Variants in EXOSC9 observed in about 807,000 individuals in gnomAD.
EXOSC9 encodes exosome component 9, also known as exosome complex component RRP45.
A neutral mutation model predicts 56.5 loss-of-function variants in EXOSC9; 38 were observed. The ratio of observed to expected loss-of-function variants is 0.67; its 90% CI spans 0.52 to 0.88. The LOEUF (loss-of-function observed/expected upper bound fraction) is 0.88, where lower values mean the gene tolerates loss of function less well. EXOSC9 is among the 40% of genes least tolerant of loss of function. The pLI is 0.00. For synonymous variants in EXOSC9, 170 were observed against 170.8 expected, an observed-to-expected ratio of 0.99 and a Z score of 0.04; for missense variants, 559 against 530.5, an observed-to-expected ratio of 1.05 and a Z score of -0.53.
chr4:121,807,535 A>G lies in EXOSC9; in HGVS notation c.523-5A>G, dbSNP rs1386715456. Reference sequence around the variant, plus strand: ...ATAATTATTAAACATTTTCTTTTGAAACAGTATACACCTGAAGAGCGTGAT... The same window carrying G: ...ATAATTATTAAACATTTTCTTTTGAGACAGTATACACCTGAAGAGCGTGAT... On this transcript the variant is annotated splice_region_variant and splice_polypyrimidine_tract_variant and intron_variant, in intron 5 of 11. Coordinates refer to ENST00000243498, the MANE Select transcript of EXOSC9 (RefSeq NM_005033.3). The G allele has an allele frequency of 3.2e-6, 5 of 1,572,086 alleles. No homozygotes were observed. Among genetic ancestry groups the G allele is most frequent in the Non-Finnish European group, 4.4e-6 (5 of 1,147,890 alleles).
In EXOSC9 at chr4:121,816,878, A is replaced by AT. The variant is rs1488785635; in HGVS notation, c.*23dup. ...TTAAAGCTAACAGTTGTATATCTGT[A>AT]TATATAACTATTAAAAGGGATATTT... On this transcript the variant is annotated 3_prime_UTR_variant, in exon 12 of 12. Transcript: ENST00000243498. The AT allele has an allele frequency of 3.3e-6, 5 of 1,517,654 alleles. No individual in the cohort carries two copies. Among genetic ancestry groups the AT allele is most frequent in the Non-Finnish European group, 4.4e-6 (5 of 1,127,694 alleles). The allele number at this position is 1,517,654 out of a possible 1,614,324, so 94.0% of individuals were successfully genotyped here. A position where few individuals can be genotyped will look rare whatever the true frequency, so the allele number is the denominator to read the frequency against.
intron 4 of EXOSC9, among the ~76,000 whole-genome samples, chr4:121,803,486 A>G (rs1386744240): frequency 6.6e-6 from 1 of 152,138 alleles, no homozygotes; most frequent in Non-Finnish European, 1.5e-5. Context: ...AACTTTGAAA[A>G]TCTTAGTCCC....
chr4:121,801,665 C>G, intron 1 of EXOSC9, 162 bp from the exon 2 acceptor site: 1 of 777,528 alleles, frequency 1.3e-6, no homozygotes, highest in Middle Eastern at 2.3e-4. Flanking sequence ...AGGCTCCAGT[C>G]ACCGCAGCAG....
In EXOSC9 at chr4:121,813,903, C is replaced by T; in HGVS notation, c.1012C>T (p.Gln338Ter). The part of the protein sequence containing the change: ...TPVLWTPGTA[Q>*]IGEGVENSWG... ...TGTGCTATGGACTCCTGGAACTGCCCAAATTGGAGAGGGAGTAGAAAACTC... is the reference window on the plus strand; with the variant it reads ...TGTGCTATGGACTCCTGGAACTGCCTAAATTGGAGAGGGAGTAGAAAACTC... Residue 338 changes from glutamine (Q) to a stop codon, truncating the protein, a stop_gained, in exon 10 of 12, where the codon CAA (glutamine) becomes TAA (stop). Transcript: ENST00000243498. LOFTEE classifies it high-confidence loss of function. The T allele has an allele frequency of 6.2e-7, 1 of 1,613,182 alleles. No individual in the cohort carries two copies. Among genetic ancestry groups the T allele is most frequent in the Non-Finnish European group, 8.5e-7 (1 of 1,179,402 alleles).
intron 9 of EXOSC9, 134 bp from the exon 10 acceptor site, chr4:121,813,732 A>G: frequency 1.6e-6 from 1 of 619,316 alleles, no homozygotes; most frequent in Non-Finnish European, 2.7e-6. Flanking sequence ...TAGTGTAGCT[A>G]TATTAAGTTT....
chr4:121,801,834 A>G lies in EXOSC9; in HGVS notation c.74A>G (p.Asp25Gly), dbSNP rs775600575. 10 of 1,612,794 alleles carry G rather than the reference A, an allele frequency of 6.2e-6. No homozygotes were observed. The South Asian group carries it at 8.8e-5, about 14-fold the overall frequency. ...ATGAATTTGTGCTTACAGCGGCTGG[A>G]TGGCAGACAAACCTATGATTATAGG... The part of the protein sequence containing the change: ...LRAIEEKKRL[D>G]GRQTYDYRNI... The change falls in exon 2 of 12, where the codon GAT becomes GGT. Residue 25 changes from aspartate (D) to glycine (G), a missense_variant. Physicochemically the swap from Asp to Gly is moderately conservative, Grantham distance 94 (BLOSUM62 -1). Coordinates refer to ENST00000243498, the MANE Select transcript of EXOSC9 (RefSeq NM_005033.3).
rs370380280 is a variant in EXOSC9 at position 121,802,836 on chromosome 4, C to T, written c.281+43C>T. ...TTAAGTTGCTTTAGTCATAGGAGAA[C>T]CTAACAGCAGTGAGCTTTTGTTTTA... On this transcript the variant is annotated intron_variant, in intron 3 of 11. Coordinates refer to ENST00000243498, the MANE Select transcript of EXOSC9 (RefSeq NM_005033.3). 1.9e-6 allele frequency: 3 copies of T among 1,612,794 alleles called. No individual in the cohort carries two copies. In the African/African-American group the frequency reaches 4.0e-5, roughly 22 times the overall value.
At chr4:121,805,178 AGGCAAAGAGAT>A (rs1726982977) in intron 5 of EXOSC9, among the ~76,000 whole-genome samples, 1 of 152,234 alleles carries the variant, frequency 6.6e-6, no homozygotes, top group Non-Finnish European at 1.5e-5. Context: ...TTTGTTCATT[AGGCAAAGAGAT>A]GACGAAAGTC....
chr4:121,813,513 A>G, intron 9 of EXOSC9, 133 bp downstream of exon 9: 2 of 758,910 alleles, frequency 2.6e-6, no homozygotes, highest in Middle Eastern at 6.4e-4. Context: ...AAACACTTAA[A>G]ATACAAGATA....
At chr4:121,803,752 T>C (rs901704546) in intron 4 of EXOSC9, among the ~76,000 whole-genome samples, 1 of 152,082 alleles carries the variant, frequency 6.6e-6, no homozygotes, top group Non-Finnish European at 1.5e-5. Context: ...CAGGCTAGTC[T>C]TGAACTCCAG....
chr4:121,809,872 G>T, intron 6 of EXOSC9, 95 bp from the exon 7 acceptor site: 1 of 1,407,690 alleles, frequency 7.1e-7, no homozygotes, highest in South Asian at 1.2e-5. Flanking sequence ...ATTCTCTGTT[G>T]ACTTTATTGA....
At chr4:121,807,871 A>C (rs1451644639) in intron 6 of EXOSC9, 5 of 534,804 alleles carry the variant, frequency 9.3e-6, no homozygotes, top group Middle Eastern at 5.0e-4. Context: ...AAACTTAGGA[A>C]TTTACTATGG....
chr4:121,810,147 A>G, intron 7 of EXOSC9, 48 bp downstream of exon 7: 1 of 1,552,432 alleles, frequency 6.4e-7, no homozygotes, highest in Non-Finnish European at 8.8e-7. Flanking sequence ...GCTTCTCTTT[A>G]GATGCTTTTT....
chr4:121,807,495 C>T (rs1432543590), intron 5 of EXOSC9, 45 bp from the exon 6 acceptor site: 1 of 1,227,640 alleles, frequency 8.1e-7, no homozygotes, highest in Admixed American at 1.9e-5. Context: ...TTTGGATGTT[C>T]ATAACTTAGT....
At chr4:121,807,695 AT>A (rs1578501011) in intron 6 of EXOSC9, 73 bp downstream of exon 6, 1 of 895,994 alleles carries the variant, frequency 1.1e-6, no homozygotes, top group East Asian at 2.4e-5. Flanking sequence ...CAAGTATGTC[AT>A]GTTAATATTA....
intron 6 of EXOSC9, chr4:121,807,933 A>G: frequency 3.2e-6 from 1 of 310,766 alleles, no homozygotes; most frequent in South Asian, 6.0e-5. Context: ...AGAGAATTAT[A>G]TGCTAGGCTC....
At position 121,816,444 on chromosome 4, in the gene EXOSC9, T is replaced by G; in HGVS notation, c.1232T>G (p.Ile411Arg). 1 of 1,556,586 alleles carries G rather than the reference T, an allele frequency of 6.4e-7. No homozygotes were observed. Among genetic ancestry groups the G allele is most frequent in the Admixed American group, 2.0e-5 (1 of 51,080 alleles). ...GAACCAGACAAGAATCCAAAGAAAA[T>G]AAGGTAACAAATTTCTGGTTTATTT... ...ILEPDKNPKK[I>R]RTQTTSAKQE... is the part of the protein sequence containing the mutation. Residue 411 changes from isoleucine (I) to arginine (R), a missense_variant, in exon 11 of 12, where the codon ATA becomes AGA. By Grantham distance (97) the Ile-to-Arg change is moderately conservative. Coordinates refer to ENST00000243498, the MANE Select transcript of EXOSC9 (RefSeq NM_005033.3).
At chr4:121,803,797 G>C (rs1260856401) in intron 4 of EXOSC9, among the ~76,000 whole-genome samples, 2 of 152,128 alleles carry the variant, frequency 1.3e-5, no homozygotes, top group African/African-American at 4.8e-5. Context: ...GCCTCCCAAA[G>C]TGCTGGGATT....
At chr4:121,803,791 C>G (rs1726940643) in intron 4 of EXOSC9, among the ~76,000 whole-genome samples, 1 of 152,144 alleles carries the variant, frequency 6.6e-6, no homozygotes, top group African/African-American at 2.4e-5. Flanking sequence ...GCCTTGGCCT[C>G]CCAAAGTGCT....
Sources: gnomAD v4.1 joint callset for allele counts (sites outside exome capture counted in the v4.1 genomes callset) on GRCh38, gnomAD v4.1.1 for gene constraint, MANE v1.5 for transcripts, NCBI Gene and HGNC (gene_info 2026-07-23, HGNC 2026-07-21) for gene names.